ABCB10: variants seen among roughly 807,000 people sequenced by gnomAD.
ABCB10 encodes the protein ATP binding cassette subfamily B member 10.
A neutral mutation model predicts 65.4 loss-of-function variants in ABCB10; 54 were observed. The observed-to-expected ratio is 0.83, with a 90% CI of 0.66 to 1.04. The LOEUF (loss-of-function observed/expected upper bound fraction) is 1.04. Among genes scored for constraint, ABCB10 ranks in the 50% least tolerant of loss-of-function variants. The pLI is 0.00. For synonymous variants in ABCB10, 418 were observed against 406.5 expected, an observed-to-expected ratio of 1.03 and a Z score of -0.34; for missense variants, 846 against 976.6, an observed-to-expected ratio of 0.87 and a Z score of 1.78.
intron 8 of ABCB10, among the ~76,000 whole-genome samples, chr1:229,528,428 G>T (rs1411829939): frequency 1.3e-5 from 2 of 151,680 alleles, no homozygotes; most frequent in Non-Finnish European, 2.9e-5. Context: ...GCCTCCCTAA[G>T]AGCTGAGATT....
chr1:229,527,166 AAAGC>A, intron 9 of ABCB10, 59 bp downstream of exon 9: 2 of 1,497,562 alleles, frequency 1.3e-6, no homozygotes, highest in Non-Finnish European at 1.8e-6. Flanking sequence ...AAAAAAAAAA[AAAGC>A]AAAAGACAAA....
intron 1 of ABCB10, 38 bp from the exon 2 acceptor site, chr1:229,549,472 C>T: frequency 6.3e-7 from 1 of 1,586,680 alleles, no homozygotes; most frequent in Non-Finnish European, 8.6e-7. Context: ...CAGGTTGCTT[C>T]AGCAAAGGGG....
chr1:229,531,910 C>T, intron 6 of ABCB10, 179 bp from the exon 7 acceptor site: 3 of 359,040 alleles, frequency 8.4e-6, no homozygotes, highest in Admixed American at 4.7e-5. Context: ...GTCTCATACT[C>T]TAGTTTTCCT....
At chr1:229,525,229 A>G (rs1286902067) in intron 10 of ABCB10, among the ~76,000 whole-genome samples, 1 of 152,144 alleles carries the variant, frequency 6.6e-6, no homozygotes, top group African/African-American at 2.4e-5. Flanking sequence ...TAGGGAGTAA[A>G]TAATTCTTTC....
chr1:229,525,874 A>T, intron 10 of ABCB10, 62 bp downstream of exon 10: 1 of 1,528,328 alleles, frequency 6.5e-7, no homozygotes, highest in Non-Finnish European at 8.8e-7. Context: ...AAAAAAAACA[A>T]GAAACATGTG....
intron 3 of ABCB10, among the ~76,000 whole-genome samples, chr1:229,545,546 A>G (rs1558127350): frequency 6.6e-6 from 1 of 152,266 alleles, no homozygotes; most frequent in African/African-American, 2.4e-5. Context: ...ATTAAAATTT[A>G]AAAGCCTATA....
rs1558116345 is a variant in ABCB10 at position 229,518,123 on chromosome 1, T to C, written c.*56A>G. 2.2e-6 allele frequency: 3 copies of C among 1,346,530 alleles called. No individual in the cohort carries two copies. The highest frequency in any genetic ancestry group is 3.1e-6 in the Non-Finnish European group (3 of 954,954). 83.4% of individuals were successfully genotyped at this position (1,346,530 alleles called of 1,614,324 possible). A position where few individuals can be genotyped will look rare whatever the true frequency, so the allele number is the denominator to read the frequency against. On this transcript the variant is annotated 3_prime_UTR_variant, in exon 13 of 13. Transcript: ENST00000344517. ...TGTATTTCATAGTCTCTGAGTTTTT[T>C]TTCTGCAACACTGTTTTGCATTAAA...
chr1:229,532,855 G>A (rs1293769210), intron 6 of ABCB10, among the ~76,000 whole-genome samples: 1 of 152,186 alleles, frequency 6.6e-6, no homozygotes, highest in East Asian at 1.9e-4. Context: ...CACTCTGGCA[G>A]CACTCAGAGC....
rs1270939135 is a variant in ABCB10 at position 229,530,198 on chromosome 1, C to G, written c.1645+1G>C. 13 of 1,613,438 alleles carry G rather than the reference C, an allele frequency of 8.1e-6. No homozygotes were observed. Among genetic ancestry groups the G allele is most frequent in the African/African-American group, 1.3e-5 (1 of 74,902 alleles). On this transcript the variant is annotated splice_donor_variant, in intron 8 of 12. Transcript: ENST00000344517. LOFTEE classifies it high-confidence loss of function. ...GTGCTACAGTGTGGTGAACTGCTTA[C>G]CAGAAGCAGGGTCGTACAACCTCAG...
chr1:229,556,626 G>A (rs1053357094), intron 1 of ABCB10, among the ~76,000 whole-genome samples: 4 of 152,154 alleles, frequency 2.6e-5, no homozygotes, highest in African/African-American at 9.7e-5. Context: ...AGGAACAATG[G>A]TCATGGCATA....
At chr1:229,534,472 T>C (rs1662657725) in intron 6 of ABCB10, among the ~76,000 whole-genome samples, 1 of 151,996 alleles carries the variant, frequency 6.6e-6, no homozygotes, top group Admixed American at 6.6e-5. Flanking sequence ...ACACCTGTAA[T>C]CCCAGCACTT....
rs984048311 is a variant in ABCB10, at chr1:229,530,519, T to C, written c.1436-111A>G. On this transcript the variant is annotated intron_variant, in intron 7 of 12. Coordinates refer to ENST00000344517, the MANE Select transcript of ABCB10 (RefSeq NM_012089.3). ...GGATGGGTGACTCCACCACAGCTAATCCTGGTATATGAGCTCTTAAAGGGC... is the reference window on the plus strand; with the variant it reads ...GGATGGGTGACTCCACCACAGCTAACCCTGGTATATGAGCTCTTAAAGGGC... The C allele has an allele frequency of 1.4e-5, 16 of 1,119,860 alleles. No individual in the cohort carries two copies. The African/African-American group carries it at 2.3e-4, about 16-fold the overall frequency. 69.4% of individuals were successfully genotyped at this position (1,119,860 alleles called of 1,614,324 possible).
intron 10 of ABCB10, among the ~76,000 whole-genome samples, chr1:229,524,396 C>G (rs762657950): frequency 6.6e-6 from 1 of 152,054 alleles, no homozygotes; most frequent in Non-Finnish European, 1.5e-5. Flanking sequence ...CTACTGAGCT[C>G]AAGCAATCAG....
At chr1:229,532,221 G>T (rs1662604370) in intron 6 of ABCB10, among the ~76,000 whole-genome samples, 1 of 152,126 alleles carries the variant, frequency 6.6e-6, no homozygotes, top group Admixed American at 6.5e-5. Context: ...CAAAGTGTGG[G>T]ATTATAGGCA....
At chr1:229,542,463 G>A in intron 3 of ABCB10, 92 bp from the exon 4 acceptor site, 1 of 1,420,472 alleles carries the variant, frequency 7.0e-7, no homozygotes, top group Non-Finnish European at 9.5e-7. Flanking sequence ...GTGTGTGGGT[G>A]TGTCTGTGTG....
chr1:229,521,172 CT>C (rs1336071352), intron 11 of ABCB10, among the ~76,000 whole-genome samples: 1 of 152,012 alleles, frequency 6.6e-6, no homozygotes, highest in African/African-American at 2.4e-5. Flanking sequence ...GCTAAAATGG[CT>C]CTTCCCTTTC....
chr1:229,530,521 C>T (rs1662558865), intron 7 of ABCB10, 113 bp from the exon 8 acceptor site: 1 of 1,102,510 alleles, frequency 9.1e-7, no homozygotes, highest in Non-Finnish European at 1.3e-6. Flanking sequence ...ACAGCTAATC[C>T]TGGTATATGA....
At chr1:229,527,130 C>G in intron 9 of ABCB10, 99 bp downstream of exon 9, 1 of 1,153,642 alleles carries the variant, frequency 8.7e-7, no homozygotes, top group Admixed American at 2.1e-5. Flanking sequence ...GACTTCCATT[C>G]CTTCTCTCTT....
intron 1 of ABCB10, among the ~76,000 whole-genome samples, chr1:229,553,353 G>A (rs532874705): frequency 1.3e-5 from 2 of 151,744 alleles, no homozygotes; most frequent in African/African-American, 2.4e-5. Flanking sequence ...CAGGTGATCC[G>A]CCCGCCTCAG....
Sources: gnomAD v4.1 joint callset for allele counts (sites outside exome capture counted in the v4.1 genomes callset) on GRCh38, gnomAD v4.1.1 for gene constraint, MANE v1.5 for transcripts, NCBI Gene and HGNC (gene_info 2026-07-23, HGNC 2026-07-21) for gene names.